Variants in FNIP2 observed in about 807,000 individuals in gnomAD.
FNIP2 encodes the protein folliculin interacting protein 2.
In FNIP2, 32 loss-of-function variants were observed where a neutral mutation model predicts 108.7. The observed-to-expected ratio is 0.29, with a 90% CI of 0.22 to 0.40. The LOEUF (loss-of-function observed/expected upper bound fraction) is 0.40. Among genes scored for constraint, FNIP2 ranks in the 10% least tolerant of loss-of-function variants. The pLI is 1.00. For synonymous variants in FNIP2, 480 were observed against 496.7 expected (o/e 0.97, Z 0.45); for missense variants, 1,202 against 1,381.6 (o/e 0.87, Z 2.06).
chr4:158,904,021 A>G (rs1351038465), intron 16 of FNIP2, among the ~76,000 whole-genome samples: 1 of 152,240 alleles, frequency 6.6e-6, no homozygotes, highest in Non-Finnish European at 1.5e-5. Flanking sequence ...AATGTTTTTT[A>G]AGAAATTGCT....
intron 1 of FNIP2, among the ~76,000 whole-genome samples, chr4:158,808,981 A>G (rs1052096764): frequency 2.0e-5 from 3 of 152,166 alleles, no homozygotes; most frequent in African/African-American, 7.2e-5. Context: ...AGCATGACAC[A>G]TTTCAGGATA....
intron 7 of FNIP2, among the ~76,000 whole-genome samples, chr4:158,839,856 A>G (rs1779025893): frequency 6.6e-6 from 1 of 152,178 alleles, no homozygotes; most frequent in Admixed American, 6.5e-5. Context: ...CTGTCCTAGA[A>G]TCAGCCATTT....
chr4:158,874,565 G>A (rs1375574441), intron 14 of FNIP2, among the ~76,000 whole-genome samples: 2 of 151,322 alleles, frequency 1.3e-5, no homozygotes, highest in Non-Finnish European at 2.9e-5. Context: ...GAGGCAGAAG[G>A]CTTGCTTAAG....
chr4:158,783,468 T>A (rs760538853), intron 1 of FNIP2, among the ~76,000 whole-genome samples: 5 of 152,244 alleles, frequency 3.3e-5, no homozygotes, highest in Non-Finnish European at 4.4e-5. Context: ...TCTTCTTTAA[T>A]TCAAATTCCA....
intron 8 of FNIP2, among the ~76,000 whole-genome samples, chr4:158,854,501 G>A (rs1284217241): frequency 2.6e-5 from 4 of 152,258 alleles, no homozygotes; most frequent in African/African-American, 4.8e-5. Context: ...GTTGCTCGGT[G>A]TCTGGGCTGC....
intron 1 of FNIP2, among the ~76,000 whole-genome samples, chr4:158,789,159 A>G (rs1427492657): frequency 6.6e-6 from 1 of 152,210 alleles, no homozygotes; most frequent in Non-Finnish European, 1.5e-5. Flanking sequence ...AGGGTAGTAC[A>G]AGAGTGATAC....
chr4:158,786,453 C>A (rs1204046742), intron 1 of FNIP2, among the ~76,000 whole-genome samples: 1 of 152,064 alleles, frequency 6.6e-6, no homozygotes, highest in Non-Finnish European at 1.5e-5. Flanking sequence ...TGTCTCATGG[C>A]CAGAGTTAAA....
intron 14 of FNIP2, among the ~76,000 whole-genome samples, chr4:158,881,461 TCC>T (rs1781621880): frequency 1.3e-5 from 2 of 149,832 alleles, no homozygotes; most frequent in African/African-American, 4.9e-5. Context: ...TTCCACGGTC[TCC>T]CTCTCCCTCT....
intron 7 of FNIP2, among the ~76,000 whole-genome samples, chr4:158,848,054 G>C (rs528952945): frequency 1.5e-4 from 23 of 152,206 alleles, no homozygotes; most frequent in Non-Finnish European, 3.4e-4. Flanking sequence ...GGACTCACCA[G>C]GGGGAACTTG....
In FNIP2 at chr4:158,811,736, C is replaced by T. The variant is rs115642886; in HGVS notation, c.108-14180C>T. 3.4e-3 allele frequency among the ~76,000 whole-genome samples: 518 copies of T among 152,212 alleles called. 2 individuals are homozygous for T. The highest frequency in any genetic ancestry group is 0.012 in the African/African-American group (495 of 41,526). Reference sequence around the variant, plus strand: ...AGCCAAACAACTTGGAACCAGTGGACAGGTAGTGTCTGAAGTCCCTTCCAG... The same window carrying T: ...AGCCAAACAACTTGGAACCAGTGGATAGGTAGTGTCTGAAGTCCCTTCCAG... On this transcript the variant is annotated intron_variant, in intron 1 of 16. Transcript: ENST00000264433.
At chr4:158,825,766 C>A in intron 1 of FNIP2, 150 bp from the exon 2 acceptor site, 1 of 938,368 alleles carries the variant, frequency 1.1e-6, no homozygotes, top group African/African-American at 1.7e-5. Flanking sequence ...CCCAGGCTCA[C>A]TGGTGCCCCA....
At chr4:158,800,733 T>C (rs977730566) in intron 1 of FNIP2, among the ~76,000 whole-genome samples, 2 of 152,224 alleles carry the variant, frequency 1.3e-5, no homozygotes, top group Non-Finnish European at 2.9e-5. Context: ...TATAAAACTT[T>C]TTCTACATTT....
chr4:158,890,969 C>G (rs932629219), intron 14 of FNIP2, among the ~76,000 whole-genome samples: 1 of 152,130 alleles, frequency 6.6e-6, no homozygotes, highest in Non-Finnish European at 1.5e-5. Flanking sequence ...CGGGCCTTGT[C>G]TAAGAAAGAT....
chr4:158,821,155 T>A (rs1777863470), intron 1 of FNIP2, among the ~76,000 whole-genome samples: 1 of 152,196 alleles, frequency 6.6e-6, no homozygotes, highest in African/African-American at 2.4e-5. Flanking sequence ...TCATGGAATT[T>A]TAAAACCAAA....
At chr4:158,857,914 C>T (rs917318280) in intron 8 of FNIP2, among the ~76,000 whole-genome samples, 33 of 152,226 alleles carry the variant, frequency 2.2e-4, no homozygotes, top group African/African-American at 7.2e-4. Flanking sequence ...CACCACTGCA[C>T]CCCAGCGTGG....
intron 14 of FNIP2, chr4:158,871,531 A>C: frequency 2.0e-6 from 2 of 985,348 alleles, no homozygotes; most frequent in Non-Finnish European, 2.4e-6. Context: ...AAGTGGGAAA[A>C]AAACTCAGTA....
chr4:158,816,145 G>T (rs529232316), intron 1 of FNIP2, among the ~76,000 whole-genome samples: 251 of 152,146 alleles, frequency 1.6e-3, no homozygotes, highest in African/African-American at 5.6e-3. Flanking sequence ...GGTGACAATT[G>T]TCTATTTATT....
intron 14 of FNIP2, among the ~76,000 whole-genome samples, chr4:158,883,169 A>G (rs918582164): frequency 6.6e-6 from 1 of 152,206 alleles, no homozygotes; most frequent in Non-Finnish European, 1.5e-5. Context: ...TCTCAGAGAA[A>G]AACATAGAGA....
rs1780313193 is a variant in FNIP2, at chr4:158,861,756, A to G, written c.1445A>G (p.Asn482Ser). ...VNMLAKTHPY[N>S]PLWAQLGDLY... ...ATGCTGGCCAAAACACATCCGTATAATCCTCTTTGGGCACAGCTGGGTTAG... is the reference window on the plus strand; with the variant it reads ...ATGCTGGCCAAAACACATCCGTATAGTCCTCTTTGGGCACAGCTGGGTTAG... The change falls in exon 12 of 17, where the codon AAT (asparagine) becomes AGT (serine). Residue 482 changes from asparagine to serine, a missense_variant. Transcript: ENST00000264433. 6.2e-7 allele frequency: 1 copy of G among 1,614,014 alleles called. No homozygotes were observed. The highest frequency in any genetic ancestry group is 2.2e-5 in the East Asian group (1 of 44,886).
Sources: allele counts gnomAD v4.1 joint callset (sites outside exome capture counted in the v4.1 genomes callset), GRCh38; gene constraint gnomAD v4.1.1; transcripts MANE v1.5; gene names NCBI Gene and HGNC (gene_info 2026-07-23, HGNC 2026-07-21).